Variants in GFRA2 observed in about 807,000 individuals in gnomAD.
GFRA2 encodes GDNF family receptor alpha 2, also known as GDNF family receptor alpha-2.
GFRA2 carries 17 observed loss-of-function variants against 48.3 expected under a neutral mutation model. The ratio of observed to expected loss-of-function variants is 0.35; its 90% CI spans 0.24 to 0.53. The LOEUF (loss-of-function observed/expected upper bound fraction) is 0.53, where lower values mean the gene tolerates loss of function less well. Ranked by LOEUF, GFRA2 falls within the 20% of genes least tolerant of loss-of-function variation. GFRA2 has a pLI of 0.93. For missense variants in GFRA2, 660 were observed against 637.3 expected, an observed-to-expected ratio of 1.04 and a Z score of -0.38; for synonymous variants, 305 against 257.2, an observed-to-expected ratio of 1.19 and a Z score of -1.78.
At chr8:21,799,790 C>T (rs1807740352) in intron 2 of GFRA2, among the ~76,000 whole-genome samples, 3 of 152,144 alleles carry the variant, frequency 2.0e-5, no homozygotes, top group Non-Finnish European at 2.9e-5. Flanking sequence ...TGGCCCATAA[C>T]GAGCTGGCAA....
intron 4 of GFRA2, among the ~76,000 whole-genome samples, chr8:21,719,817 T>A (rs1217990909): frequency 6.8e-6 from 1 of 146,522 alleles, no homozygotes; most frequent in Non-Finnish European, 1.5e-5. Context: ...CCAGGTTTAC[T>A]CCCTTGAGAA....
At chr8:21,735,870 CTA>C (rs1804435769) in intron 4 of GFRA2, among the ~76,000 whole-genome samples, 1 of 152,132 alleles carries the variant, frequency 6.6e-6, no homozygotes, top group Admixed American at 6.5e-5. Context: ...TGGGCTCTCA[CTA>C]TGTTACCCAG....
rs1397642884 is a variant in GFRA2, at chr8:21,708,480, G to A, written c.795-2439C>T. On this transcript the variant is annotated intron_variant, in intron 4 of 8. Coordinates refer to ENST00000524240, the MANE Select transcript of GFRA2 (RefSeq NM_001495.5). Reference sequence around the variant, plus strand: ...TCTTAACAGGTAGATGGGATTTAGAGACAAAATCTGTTGAGTTCAATTATA... The same window carrying A: ...TCTTAACAGGTAGATGGGATTTAGAAACAAAATCTGTTGAGTTCAATTATA... Among the ~76,000 whole-genome samples the A allele has an allele frequency of 2.0e-5, 3 of 152,184 alleles. No individual in the cohort carries two copies. In the East Asian group the frequency reaches 5.8e-4, roughly 29 times the overall value.
At chr8:21,771,467 G>T (rs1182075600) in intron 3 of GFRA2, among the ~76,000 whole-genome samples, 6 of 152,094 alleles carry the variant, frequency 3.9e-5, no homozygotes, top group Non-Finnish European at 8.8e-5. Flanking sequence ...CTGGACTCAG[G>T]ACTCATTGAC....
intron 1 of GFRA2, among the ~76,000 whole-genome samples, chr8:21,811,862 C>G (rs1048920641): frequency 1.3e-5 from 2 of 152,094 alleles, no homozygotes; most frequent in African/African-American, 4.8e-5. Context: ...TCTCACAGAC[C>G]CTTGCCCATT....
intron 4 of GFRA2, among the ~76,000 whole-genome samples, chr8:21,741,381 A>T (rs1563240471): frequency 6.6e-6 from 1 of 152,012 alleles, no homozygotes; most frequent in Non-Finnish European, 1.5e-5. Flanking sequence ...TTTAAATGTC[A>T]TCTTGCAGAT....
chr8:21,733,335 C>T (rs747367219), intron 4 of GFRA2, among the ~76,000 whole-genome samples: 6 of 152,192 alleles, frequency 3.9e-5, no homozygotes, highest in Non-Finnish European at 8.8e-5. Flanking sequence ...CACCCAGGCC[C>T]TGGCCTGCCG....
chr8:21,796,777 G>C (rs1807684437), intron 2 of GFRA2, among the ~76,000 whole-genome samples: 1 of 152,238 alleles, frequency 6.6e-6, no homozygotes, highest in Non-Finnish European at 1.5e-5. Flanking sequence ...CTGGGTGGCA[G>C]AGCAATGTTT....
chr8:21,750,114 C>CGCAT lies in GFRA2; in HGVS notation c.794+473_794+474insATGC, dbSNP rs1463387874. Reference sequence around the variant, plus strand: ...ACACACACACACACACACACACGCACATATATAGGTAGAGACTGAGTTTTG... The same window carrying CGCAT: ...ACACACACACACACACACACACGCACGCATATATATAGGTAGAGACTGAGTTTTG... On this transcript the variant is annotated intron_variant, in intron 4 of 8. Coordinates refer to ENST00000524240, the MANE Select transcript of GFRA2 (RefSeq NM_001495.5). The surrounding 1 kb of genome is among the most constrained non-coding windows in gnomAD (Gnocchi z 5.7). 3.3e-5 allele frequency among the ~76,000 whole-genome samples: 5 copies of CGCAT among 151,684 alleles called. No homozygotes were observed. The highest frequency in any genetic ancestry group is 5.9e-5 in the Non-Finnish European group (4 of 67,952).
At chr8:21,784,372 G>T (rs963203786) in intron 1 of GFRA2, 24 of 455,858 alleles carry the variant, frequency 5.3e-5, no homozygotes, top group Admixed American at 1.4e-4. Flanking sequence ...AGGCTTCCTC[G>T]ACTCCATCTC....
rs181873324 is a variant in GFRA2 at position 21,699,860 on chromosome 8, T to C, written c.1218+2945A>G. Among the ~76,000 whole-genome samples the C allele has an allele frequency of 5.1e-4, 77 of 152,258 alleles. No homozygotes were observed. The East Asian group carries it at 0.014, about 27-fold the overall frequency. On this transcript the variant is annotated intron_variant, in intron 7 of 8. Transcript: ENST00000524240. The stretch of plus-strand genomic sequence containing the variant: ...CCACCTGAACAAAGCACCCACTCCA[T>C]GCCAGGCACTGTGCACCCAGCTACG...
At chr8:21,789,045 G>A (rs1585346680), upstream of GFRA2, among the ~76,000 whole-genome samples, 1 of 125,880 alleles carries the variant, frequency 7.9e-6, no homozygotes, top group Non-Finnish European at 1.6e-5. Flanking sequence ...GGGGCGCGGG[G>A]CGCGGGAGCG....
At chr8:21,762,098 A>G (rs990189346) in intron 3 of GFRA2, among the ~76,000 whole-genome samples, 1 of 152,138 alleles carries the variant, frequency 6.6e-6, no homozygotes, top group Admixed American at 6.5e-5. Context: ...CTATGTGGCA[A>G]AAGATAAAAT....
chr8:21,800,654 G>A (rs1224708132), intron 2 of GFRA2, among the ~76,000 whole-genome samples: 1 of 152,216 alleles, frequency 6.6e-6, no homozygotes, highest in Non-Finnish European at 1.5e-5. Context: ...GCCAGCCATG[G>A]TGGCTCACGC....
chr8:21,727,939 G>C (rs1038427170), intron 4 of GFRA2, among the ~76,000 whole-genome samples: 1 of 150,388 alleles, frequency 6.6e-6, no homozygotes, highest in Non-Finnish European at 1.5e-5. Context: ...AGTCTGGGCC[G>C]CCCTTCAGCC....
chr8:21,798,950 C>T (rs1025452159), intron 2 of GFRA2, among the ~76,000 whole-genome samples: 1 of 152,198 alleles, frequency 6.6e-6, no homozygotes, highest in African/African-American at 2.4e-5. Flanking sequence ...AAGCTCTGTT[C>T]GAACATGACC....
At chr8:21,800,468 C>A (rs1398716602) in intron 2 of GFRA2, among the ~76,000 whole-genome samples, 4 of 152,246 alleles carry the variant, frequency 2.6e-5, no homozygotes, top group African/African-American at 9.6e-5. Flanking sequence ...CACAACCAGT[C>A]GCTTGGAGTG....
intron 4 of GFRA2, among the ~76,000 whole-genome samples, chr8:21,740,372 T>A (rs1804691116): frequency 6.6e-6 from 1 of 152,106 alleles, no homozygotes; most frequent in African/African-American, 2.4e-5. Context: ...TGGCCAACAT[T>A]TCTCTAGCCC....
intron 3 of GFRA2, among the ~76,000 whole-genome samples, chr8:21,763,057 C>T (rs1805988201): frequency 6.6e-6 from 1 of 152,184 alleles, no homozygotes. Context: ...ATACTTTTCT[C>T]ACCATAAGAA....
Sources: gnomAD v4.1 joint callset for allele counts (sites outside exome capture counted in the v4.1 genomes callset) on GRCh38, gnomAD v4.1.1 for gene constraint, Gnocchi (gnomAD v3.1) non-coding constraint, MANE v1.5 for transcripts, NCBI Gene and HGNC (gene_info 2026-07-23, HGNC 2026-07-21) for gene names.